COL27A1: variants seen among roughly 807,000 people sequenced by gnomAD.
COL27A1 encodes the protein collagen alpha-1(XXVII) chain.
COL27A1 carries 106 observed loss-of-function variants against 251.3 expected under a neutral mutation model. That is an observed-to-expected ratio of 0.42 (90% confidence interval 0.36 to 0.50). The LOEUF is 0.50. Among genes scored for constraint, COL27A1 ranks in the 20% least tolerant of loss-of-function variants. The pLI is 0.00. For missense variants in COL27A1, 2,325 were observed against 2,522.8 expected, an observed-to-expected ratio of 0.92 and a Z score of 1.68; for synonymous variants, 1,000 against 986.3, an observed-to-expected ratio of 1.01 and a Z score of -0.26.
intron 14 of COL27A1, among the ~76,000 whole-genome samples, chr9:114,228,591 G>A (rs1172607376): frequency 1.3e-5 from 2 of 152,208 alleles, no homozygotes; most frequent in Non-Finnish European, 2.9e-5. Context: ...CCCCGACTCC[G>A]TGATATCGCT....
intron 43 of COL27A1, 35 bp from the exon 44 acceptor site, chr9:114,288,879 T>G (rs890457987): frequency 5.6e-6 from 9 of 1,612,974 alleles, no homozygotes; most frequent in Non-Finnish European, 7.6e-6. Flanking sequence ...CTCTGCAGGA[T>G]GGGCCCCCCT....
At chr9:114,209,815 C>A in intron 11 of COL27A1, 87 bp downstream of exon 11, 2 of 1,307,400 alleles carry the variant, frequency 1.5e-6, no homozygotes, top group Non-Finnish European at 2.2e-6. Context: ...CTGGGGAAGT[C>A]AAGGAATTCC....
chr9:114,177,287 GAA>G (rs1346954198), intron 3 of COL27A1, among the ~76,000 whole-genome samples: 1 of 152,224 alleles, frequency 6.6e-6, no homozygotes, highest in Non-Finnish European at 1.5e-5. Context: ...TGTGTAAAGA[GAA>G]AAGAGATGAG....
In COL27A1 at chr9:114,305,281, C is replaced by T. The variant is rs79251171; in HGVS notation, c.4938+608C>T. Among the ~76,000 whole-genome samples the T allele has an allele frequency of 5.4e-3, 828 of 152,244 alleles. 3 individuals are homozygous for T. The highest frequency in any genetic ancestry group is 7.2e-3 in the Non-Finnish European group (489 of 68,022). On this transcript the variant is annotated intron_variant, in intron 57 of 60. Coordinates refer to ENST00000356083, the MANE Select transcript of COL27A1 (RefSeq NM_032888.4). ...AGACAGATGGATGGCCAGTCACAGC[C>T]TTGACTTTCAGAGGGCTCACAGTCT...
At chr9:114,288,364 A>G in intron 41 of COL27A1, 91 bp from the exon 42 acceptor site, 1 of 1,339,810 alleles carries the variant, frequency 7.5e-7, no homozygotes, top group Non-Finnish European at 1.1e-6. Context: ...AGCAGGCTAG[A>G]ATTCATCTCT....
intron 8 of COL27A1, 43 bp from the exon 9 acceptor site, chr9:114,205,716 C>T: frequency 1.3e-6 from 2 of 1,582,554 alleles, no homozygotes; most frequent in Non-Finnish European, 1.7e-6. Flanking sequence ...CAGAGCTGGG[C>T]AGGGTCTTTC....
chr9:114,245,437 G>A (rs140716290), intron 23 of COL27A1, among the ~76,000 whole-genome samples: 2,266 of 152,212 alleles, frequency 0.015, 62 homozygotes, highest in African/African-American at 0.052. Flanking sequence ...GATTACAGGC[G>A]TGAGCCACCG....
chr9:114,215,583 A>G (rs1000088625), intron 12 of COL27A1, among the ~76,000 whole-genome samples: 2 of 152,192 alleles, frequency 1.3e-5, no homozygotes, highest in Admixed American at 1.3e-4. Context: ...GGGAAAGTTC[A>G]GGGGTCTTTC....
At chr9:114,250,957 G>T (rs1833501472) in intron 25 of COL27A1, among the ~76,000 whole-genome samples, 1 of 152,180 alleles carries the variant, frequency 6.6e-6, no homozygotes, top group Non-Finnish European at 1.5e-5. Flanking sequence ...CTGCACAGGG[G>T]TCGGCGAGAG....
In COL27A1 at chr9:114,288,747, G is replaced by C; in HGVS notation, c.4090G>C (p.Gly1364Arg). Reference protein sequence around the residue: ...RGDRGEPGDPGYPGQEGVQGL... With the variant: ...RGDRGEPGDPRYPGQEGVQGL... ...AGACCGCGGGGAACCGGGAGACCCT[G>C]GGTACCCTGTAAGTATCAGAGCTCC... is the stretch of plus-strand genomic sequence containing the variant. The change falls in exon 43 of 61, where the codon GGG (glycine) becomes CGG (arginine). Residue 1364 changes from glycine to arginine, a missense_variant. Physicochemically the swap from Gly to Arg is moderately radical, Grantham distance 125. This residue lies in a region of COL27A1 where 662 missense variants were observed against 795.3 expected (regional missense o/e 0.83). Transcript: ENST00000356083. The C allele has an allele frequency of 1.2e-6, 2 of 1,610,590 alleles. No homozygotes were observed. Among genetic ancestry groups the C allele is most frequent in the Non-Finnish European group, 1.7e-6 (2 of 1,177,248 alleles).
intron 32 of COL27A1, among the ~76,000 whole-genome samples, chr9:114,265,910 G>A (rs908147301): frequency 2.0e-5 from 3 of 152,160 alleles, no homozygotes; most frequent in Non-Finnish European, 2.9e-5. Context: ...CCAAGGCCAC[G>A]GGGACACTGT....
chr9:114,178,137 G>T (rs762731831), intron 3 of COL27A1, among the ~76,000 whole-genome samples, 154 bp from the exon 4 acceptor site: 14 of 152,218 alleles, frequency 9.2e-5, no homozygotes, highest in Non-Finnish European at 1.9e-4. Context: ...CAAAGAGCAT[G>T]AATTTCTCAG....
At chr9:114,237,055 C>A in intron 18 of COL27A1, 21 bp downstream of exon 18, 1 of 1,585,388 alleles carries the variant, frequency 6.3e-7, no homozygotes, top group South Asian at 1.2e-5. Flanking sequence ...GCTCCTCCAG[C>A]ACCCCCAAAC....
chr9:114,197,650 G>A (rs1009820328), intron 7 of COL27A1, among the ~76,000 whole-genome samples: 9 of 152,188 alleles, frequency 5.9e-5, no homozygotes, highest in African/African-American at 2.2e-4. Flanking sequence ...AGGGCTCCTT[G>A]CATTAAGCAG....
rs149608372 is a variant in COL27A1, at chr9:114,264,369, G to C, written c.3210G>C (p.Pro1070=). Residue 1070 remains proline (P), a synonymous_variant, in exon 29 of 61, where the codon CCG becomes CCC. Coordinates refer to ENST00000356083, the MANE Select transcript of COL27A1 (RefSeq NM_032888.4). ...GAKGRRGPRG[P]DGPAGEQGSR... ...TCCTATTCCAGGGCCCCCGAGGACCGGACGGACCAGCTGGGGAGCAAGGGT... is the reference window on the plus strand; with the variant it reads ...TCCTATTCCAGGGCCCCCGAGGACCCGACGGACCAGCTGGGGAGCAAGGGT... 3.1e-6 allele frequency: 5 copies of C among 1,596,872 alleles called. No homozygotes were observed. The African/African-American group carries it at 6.7e-5, about 21-fold the overall frequency.
rs149874788 is a variant in COL27A1 at position 114,288,466 on chromosome 9, C to T, written c.3999C>T (p.Gly1333=). 53 of 1,609,982 alleles carry T rather than the reference C, an allele frequency of 3.3e-5. No homozygotes were observed. The highest frequency in any genetic ancestry group is 1.2e-4 in the African/African-American group (9 of 74,934). ...TTCTGTGTCCACAGGGGGAGCAGGG[C>T]GAGGACGGCAAGGCTGAGGGGCCCC... ...PGPKGEKGEQ[G]EDGKAEGPPG... is the part of the protein sequence containing the mutation. The change falls in exon 42 of 61, where the codon GGC becomes GGT. Residue 1333 remains glycine (G), a synonymous_variant. Coordinates refer to ENST00000356083, the MANE Select transcript of COL27A1 (RefSeq NM_032888.4).
intron 50 of COL27A1, 115 bp from the exon 51 acceptor site, chr9:114,300,510 A>G: frequency 1.4e-6 from 1 of 739,812 alleles, no homozygotes; most frequent in South Asian, 2.1e-5. Context: ...CTCTCAGGTA[A>G]GGCCTCTCTT....
intron 4 of COL27A1, among the ~76,000 whole-genome samples, chr9:114,182,445 C>T (rs1160929992): frequency 6.6e-6 from 1 of 151,242 alleles, no homozygotes; most frequent in Admixed American, 6.6e-5. Flanking sequence ...CACTTTGAGC[C>T]AGGCCTGAAG....
In COL27A1 at chr9:114,172,882, G is replaced by A. The variant is rs561143177; in HGVS notation, c.1908+3419G>A. 1.5e-4 allele frequency among the ~76,000 whole-genome samples: 23 copies of A among 152,340 alleles called. No individual in the cohort carries two copies. The South Asian group carries it at 4.3e-3, about 29-fold the overall frequency. Reference sequence around the variant, plus strand: ...TTGAGGAAATTCTTTCCTCTCCCCAGGGCTCAGTCTTCCACTGAAATAGGG... The same window carrying A: ...TTGAGGAAATTCTTTCCTCTCCCCAAGGCTCAGTCTTCCACTGAAATAGGG... On this transcript the variant is annotated intron_variant, in intron 3 of 60. Transcript: ENST00000356083.
Sources: allele counts gnomAD v4.1 joint callset (sites outside exome capture counted in the v4.1 genomes callset), GRCh38; gene constraint gnomAD v4.1.1; regional missense constraint gnomAD v4.1.1; transcripts MANE v1.5; gene names NCBI Gene and HGNC (gene_info 2026-07-23, HGNC 2026-07-21).